GPATCH2: variants seen among roughly 807,000 people sequenced by gnomAD.
The protein encoded by GPATCH2 is G patch domain-containing protein 2.
GPATCH2 carries 51 observed loss-of-function variants against 58.0 expected under a neutral mutation model. That is an observed-to-expected ratio of 0.88 (90% CI 0.70 to 1.11). The LOEUF (loss-of-function observed/expected upper bound fraction) is 1.11, where lower values mean the gene tolerates loss of function less well. GPATCH2 is among the 50% of genes most tolerant of loss of function. The pLI is 0.00. For missense variants in GPATCH2, 625 were observed against 652.2 expected, an observed-to-expected ratio of 0.96 and a Z score of 0.45; for synonymous variants, 222 against 218.5, an observed-to-expected ratio of 1.02 and a Z score of -0.14.
At chr1:217,592,910 A>G (rs999019134) in intron 5 of GPATCH2, among the ~76,000 whole-genome samples, 2 of 151,656 alleles carry the variant, frequency 1.3e-5, no homozygotes, top group Non-Finnish European at 3.0e-5. Context: ...TGATAGTACA[A>G]CCCCAAGTAT....
At chr1:217,457,161 C>T (rs1659982463) in intron 8 of GPATCH2, among the ~76,000 whole-genome samples, 1 of 152,170 alleles carries the variant, frequency 6.6e-6, no homozygotes, top group South Asian at 2.1e-4. Flanking sequence ...ACTGGGGCAG[C>T]TGTGGTGTAA....
intron 5 of GPATCH2, among the ~76,000 whole-genome samples, chr1:217,604,213 C>T (rs1668249755): frequency 6.6e-6 from 1 of 151,420 alleles, no homozygotes; most frequent in Non-Finnish European, 1.5e-5. Flanking sequence ...TAGCAGTGCA[C>T]AGTGGCACAC....
intron 5 of GPATCH2, chr1:217,609,773 T>C: frequency 1.0e-6 from 1 of 961,776 alleles, no homozygotes; most frequent in African/African-American, 1.8e-5. Flanking sequence ...AAATTAATTC[T>C]TAATCAGTCA....
intron 5 of GPATCH2, among the ~76,000 whole-genome samples, chr1:217,586,164 C>T (rs890762258): frequency 6.6e-6 from 1 of 152,076 alleles, no homozygotes; most frequent in East Asian, 1.9e-4. Context: ...TTAAGCTACA[C>T]TAAATTTATT....
At chr1:217,566,801 T>C (rs1225214106) in intron 5 of GPATCH2, among the ~76,000 whole-genome samples, 1 of 152,170 alleles carries the variant, frequency 6.6e-6, no homozygotes, top group Non-Finnish European at 1.5e-5. Flanking sequence ...TTGAATTTAA[T>C]ACAAAAGTAG....
At chr1:217,605,653 A>G (rs1269539797) in intron 5 of GPATCH2, among the ~76,000 whole-genome samples, 2 of 152,204 alleles carry the variant, frequency 1.3e-5, no homozygotes, top group Non-Finnish European at 2.9e-5. Context: ...CAGTAGACCA[A>G]TGTAACACCT....
chr1:217,618,251 T>C (rs1668993697), intron 2 of GPATCH2, among the ~76,000 whole-genome samples: 1 of 144,922 alleles, frequency 6.9e-6, no homozygotes. Flanking sequence ...TGAGATAGAG[T>C]CTTGCTCTGT....
intron 5 of GPATCH2, chr1:217,609,045 A>G (rs1668496940): frequency 1.4e-6 from 1 of 728,396 alleles, no homozygotes; most frequent in African/African-American, 2.1e-5. Flanking sequence ...TGAATTAACA[A>G]TTAATCCATA....
intron 6 of GPATCH2, chr1:217,498,652 A>C (rs1662129003): frequency 3.5e-6 from 2 of 569,014 alleles, no homozygotes; most frequent in Admixed American, 3.2e-5. Context: ...ATGTTAACAT[A>C]AACTGCTGGG....
At chr1:217,445,717 C>T (rs960235751) in intron 9 of GPATCH2, among the ~76,000 whole-genome samples, 5 of 151,978 alleles carry the variant, frequency 3.3e-5, no homozygotes, top group African/African-American at 1.2e-4. Flanking sequence ...GGTGAAAGAG[C>T]AGTAAATAAG....
chr1:217,448,955 C>T (rs1013765314), intron 9 of GPATCH2, among the ~76,000 whole-genome samples: 1 of 152,128 alleles, frequency 6.6e-6, no homozygotes, highest in African/African-American at 2.4e-5. Context: ...ATTTTCCCAA[C>T]AAGACTGTAA....
At position 217,569,193 on chromosome 1, in the gene GPATCH2, AG is replaced by A. The variant is rs373376986; in HGVS notation, c.1098+41127del. On this transcript the variant is annotated intron_variant, in intron 5 of 9. Coordinates refer to ENST00000366935, the MANE Select transcript of GPATCH2 (RefSeq NM_018040.5). ...TACAGATGACGAAATGGGAGTAGAC[AG>A]ATATTTGGGGACACATGTTTTTAAT... is the stretch of plus-strand genomic sequence containing the variant. Among the ~76,000 whole-genome samples, 785 of 152,202 alleles carry A rather than the reference AG, an allele frequency of 5.2e-3. 7 individuals carry two copies. Among genetic ancestry groups the A allele is most frequent in the African/African-American group, 0.018 (760 of 41,542 alleles).
At chr1:217,599,624 C>G (rs1285693215) in intron 5 of GPATCH2, among the ~76,000 whole-genome samples, 1 of 152,146 alleles carries the variant, frequency 6.6e-6, no homozygotes, top group Non-Finnish European at 1.5e-5. Context: ...CTGTAAGGTA[C>G]TTGAGGACAA....
intron 5 of GPATCH2, among the ~76,000 whole-genome samples, chr1:217,593,910 A>G (rs1194131592): frequency 6.6e-6 from 1 of 152,146 alleles, no homozygotes; most frequent in African/African-American, 2.4e-5. Flanking sequence ...AAACAAAATA[A>G]AAATTAAAGA....
rs1018067251 is a variant in GPATCH2 at position 217,428,321 on chromosome 1, T to C, written c.*2824A>G. 15 of 152,270 alleles carry C rather than the reference T, an allele frequency of 9.9e-5. No homozygotes were observed. The highest frequency in any genetic ancestry group is 1.6e-4 in the Non-Finnish European group (11 of 67,986). The allele number at this position is 152,270 out of a possible 1,614,324, so 9.4% of individuals were successfully genotyped here. A position where few individuals can be genotyped will look rare whatever the true frequency, so the allele number is the denominator to read the frequency against. On this transcript the variant is annotated 3_prime_UTR_variant, in exon 10 of 10. Coordinates refer to ENST00000366935, the MANE Select transcript of GPATCH2 (RefSeq NM_018040.5). Reference sequence around the variant, plus strand: ...TGGCTTCACAAAACAGCAGAAGAAATATCTTACTACCTTTTAGAGGAAATA... The same window carrying C: ...TGGCTTCACAAAACAGCAGAAGAAACATCTTACTACCTTTTAGAGGAAATA...
intron 5 of GPATCH2, among the ~76,000 whole-genome samples, chr1:217,560,715 G>A (rs1665888361): frequency 6.6e-6 from 1 of 152,112 alleles, no homozygotes; most frequent in Non-Finnish European, 1.5e-5. Flanking sequence ...TCTTTGCTGT[G>A]GGAGACTGGT....
intron 5 of GPATCH2, among the ~76,000 whole-genome samples, chr1:217,516,203 G>A (rs1272515956): frequency 1.5e-5 from 2 of 137,060 alleles, no homozygotes; most frequent in Admixed American, 7.8e-5. Context: ...TACAGCAAAA[G>A]GCTTTAAGTT....
intron 5 of GPATCH2, among the ~76,000 whole-genome samples, chr1:217,567,051 T>G: frequency 6.6e-6 from 1 of 151,080 alleles, no homozygotes; most frequent in Admixed American, 6.6e-5. Flanking sequence ...TCTGGCTTTT[T>G]TTTTTTTTTT....
intron 3 of GPATCH2, among the ~76,000 whole-genome samples, 196 bp from the exon 4 acceptor site, chr1:217,611,267 A>C (rs1553353249): frequency 6.6e-6 from 1 of 152,174 alleles, no homozygotes; most frequent in Non-Finnish European, 1.5e-5. Context: ...TGCATGGGAC[A>C]TACCTGTACT....
Sources: allele counts gnomAD v4.1 joint callset (sites outside exome capture counted in the v4.1 genomes callset), GRCh38; gene constraint gnomAD v4.1.1; transcripts MANE v1.5; gene names NCBI Gene and HGNC (gene_info 2026-07-23, HGNC 2026-07-21).